The following ADGRB3 variants were observed in gnomAD, a reference collection of about 807,000 sequenced individuals.
The protein encoded by ADGRB3 is adhesion G protein-coupled receptor B3, also known as brain-specific angiogenesis inhibitor 3.
In ADGRB3, 37 loss-of-function variants were observed where a neutral mutation model predicts 193.4. The ratio of observed to expected loss-of-function variants is 0.19; its 90% CI spans 0.15 to 0.25. The LOEUF (loss-of-function observed/expected upper bound fraction) is 0.25. Among genes scored for constraint, ADGRB3 ranks in the 10% least tolerant of loss-of-function variants. The pLI, the probability that ADGRB3 is intolerant of heterozygous loss-of-function variation, is 1.00. For synonymous variants in ADGRB3, 690 were observed against 644.2 expected, an observed-to-expected ratio of 1.07 and a Z score of -1.08; for missense variants, 1,637 against 1,852.9, an observed-to-expected ratio of 0.88 and a Z score of 2.14.
At chr6:68,785,532 A>C (rs915607995) in intron 3 of ADGRB3, among the ~76,000 whole-genome samples, 6 of 152,090 alleles carry the variant, frequency 3.9e-5, no homozygotes, top group Non-Finnish European at 7.4e-5. Flanking sequence ...TATATGTGCC[A>C]CATTTTGTTA....
chr6:69,298,003 C>T (rs1387193151), intron 20 of ADGRB3, among the ~76,000 whole-genome samples: 1 of 151,960 alleles, frequency 6.6e-6, no homozygotes, highest in Non-Finnish European at 1.5e-5. Context: ...TCACATTATT[C>T]TTGAGTTATT....
At chr6:69,123,560 G>T (rs1773775596) in intron 17 of ADGRB3, among the ~76,000 whole-genome samples, 1 of 152,122 alleles carries the variant, frequency 6.6e-6, no homozygotes, top group African/African-American at 2.4e-5. Flanking sequence ...AGCTGCATCT[G>T]CCATATAATA....
intron 20 of ADGRB3, among the ~76,000 whole-genome samples, chr6:69,274,885 T>C (rs922902579): frequency 6.6e-6 from 1 of 152,078 alleles, no homozygotes; most frequent in Admixed American, 6.6e-5. Flanking sequence ...AGAATGAAAC[T>C]GAGTCTTAGA....
intron 3 of ADGRB3, among the ~76,000 whole-genome samples, chr6:68,836,744 C>T (rs1163437233): frequency 1.3e-5 from 2 of 152,086 alleles, no homozygotes; most frequent in Non-Finnish European, 2.9e-5. Flanking sequence ...ACCCCCAATA[C>T]TTTAGGAGGC....
chr6:69,217,725 G>A (rs915034356), intron 17 of ADGRB3, among the ~76,000 whole-genome samples: 5 of 152,284 alleles, frequency 3.3e-5, no homozygotes, highest in East Asian at 1.9e-4. Flanking sequence ...TTGTGCTATA[G>A]GATGATTAAA....
intron 20 of ADGRB3, among the ~76,000 whole-genome samples, chr6:69,270,038 A>G (rs1289597343): frequency 1.3e-5 from 2 of 152,172 alleles, no homozygotes; most frequent in East Asian, 1.9e-4. Flanking sequence ...ACCTTGGCTC[A>G]TCAGAGTTGC....
chr6:69,251,905 CCTTT>C (rs1274192722), intron 20 of ADGRB3, among the ~76,000 whole-genome samples: 1 of 151,934 alleles, frequency 6.6e-6, no homozygotes, highest in Admixed American at 6.6e-5. Flanking sequence ...AATTTTGTAC[CCTTT>C]CTAATTGAAG....
intron 3 of ADGRB3, among the ~76,000 whole-genome samples, chr6:68,861,302 G>A (rs561152492): frequency 6.3e-4 from 96 of 152,194 alleles, no homozygotes; most frequent in South Asian, 5.8e-3. Flanking sequence ...GGGAGGGCAC[G>A]GTGGCTCACG....
chr6:69,040,306 T>A (rs529273456), intron 13 of ADGRB3, among the ~76,000 whole-genome samples: 4 of 147,878 alleles, frequency 2.7e-5, no homozygotes, highest in African/African-American at 7.5e-5. Context: ...CCTTTCTCTG[T>A]CTCTTTCTTT....
At chr6:68,761,858 A>T (rs889364134) in intron 3 of ADGRB3, among the ~76,000 whole-genome samples, 2 of 152,194 alleles carry the variant, frequency 1.3e-5, no homozygotes, top group African/African-American at 4.8e-5. Flanking sequence ...CCAATTAGAT[A>T]ATGTGCATGT....
At chr6:68,909,795 C>T (rs1173450843) in intron 3 of ADGRB3, among the ~76,000 whole-genome samples, 4 of 152,006 alleles carry the variant, frequency 2.6e-5, no homozygotes, top group African/African-American at 7.2e-5. Flanking sequence ...TAAAGGGTAA[C>T]CCAGTCTATC....
Position 68,784,368 on chromosome 6 carries a change from C to T in ADGRB3, c.757+144936C>T, listed in dbSNP as rs187493295. On this transcript the variant is annotated intron_variant, in intron 3 of 31. Coordinates refer to ENST00000370598, the MANE Select transcript of ADGRB3 (RefSeq NM_001704.3). The stretch of plus-strand genomic sequence containing the variant: ...GTTACTTTTTTCTATGCTCACATAT[C>T]ACCTTGATCTGAGACAAATTATCTC... Among the ~76,000 whole-genome samples the T allele has an allele frequency of 1.1e-4, 17 of 152,192 alleles. No individual in the cohort carries two copies. The East Asian group carries it at 3.3e-3, about 29-fold the overall frequency.
chr6:69,121,309 G>A (rs1773678950), intron 17 of ADGRB3, among the ~76,000 whole-genome samples: 2 of 152,256 alleles, frequency 1.3e-5, no homozygotes, highest in South Asian at 2.1e-4. Flanking sequence ...GTTTCAGAGA[G>A]CACGGGGTTG....
At chr6:69,082,522 A>G (rs530745381) in intron 17 of ADGRB3, among the ~76,000 whole-genome samples, 5 of 152,024 alleles carry the variant, frequency 3.3e-5, no homozygotes, top group African/African-American at 1.2e-4. Flanking sequence ...TCAGTTCATT[A>G]ATTCTCTCTT....
rs142678587 is a variant in ADGRB3, at chr6:69,045,379, CAT to C, written c.2108-2805_2108-2804del. Reference sequence around the variant, plus strand: ...ACTTTAAATTTCATATTTGTAAAAACATGTATATTGATAATTTCACAGATATA... The same window carrying C: ...ACTTTAAATTTCATATTTGTAAAAACGTATATTGATAATTTCACAGATATA... On this transcript the variant is annotated intron_variant, in intron 13 of 31. Transcript: ENST00000370598. 1.1e-4 allele frequency among the ~76,000 whole-genome samples: 16 copies of C among 152,176 alleles called. 1 individual carries two copies. The East Asian group carries it at 2.5e-3, about 24-fold the overall frequency.
intron 17 of ADGRB3, among the ~76,000 whole-genome samples, chr6:69,081,179 T>A (rs1262732708): frequency 6.6e-6 from 1 of 152,044 alleles, no homozygotes; most frequent in Non-Finnish European, 1.5e-5. Context: ...GAACTTTCCA[T>A]TATCCATTCA....
intron 3 of ADGRB3, among the ~76,000 whole-genome samples, chr6:68,769,981 G>T (rs913193813): frequency 5.9e-5 from 9 of 152,102 alleles, no homozygotes; most frequent in Admixed American, 1.3e-4. Flanking sequence ...ACATGGCATG[G>T]CATATTGTTA....
chr6:68,963,878 G>A (rs1768304823), intron 8 of ADGRB3, among the ~76,000 whole-genome samples: 1 of 152,064 alleles, frequency 6.6e-6, no homozygotes, highest in African/African-American at 2.4e-5. Flanking sequence ...TGAAATTCCA[G>A]CTTATTGCAG....
chr6:68,981,108 A>G (rs1429758275), intron 10 of ADGRB3, among the ~76,000 whole-genome samples: 1 of 151,640 alleles, frequency 6.6e-6, no homozygotes, highest in Non-Finnish European at 1.5e-5. Flanking sequence ...ACTGCCTTTT[A>G]ATTCTTGTCA....
Sources: gnomAD v4.1 joint callset for allele counts (sites outside exome capture counted in the v4.1 genomes callset) on GRCh38, gnomAD v4.1.1 for gene constraint, MANE v1.5 for transcripts, NCBI Gene and HGNC (gene_info 2026-07-23, HGNC 2026-07-21) for gene names.